Variants in PKD2 observed in about 807,000 individuals in gnomAD.
PKD2 encodes the protein polycystin-2.
PKD2 carries 48 observed loss-of-function variants against 105.9 expected under a neutral mutation model. That is an observed-to-expected ratio of 0.45 (90% CI 0.36 to 0.58). The LOEUF is 0.58. PKD2 is among the 20% of genes least tolerant of loss of function. The pLI, the probability that PKD2 is intolerant of heterozygous loss-of-function variation, is 0.00. For missense variants in PKD2, 1,078 were observed against 1,255.3 expected, an observed-to-expected ratio of 0.86 and a Z score of 2.13; for synonymous variants, 464 against 481.1, an observed-to-expected ratio of 0.96 and a Z score of 0.46.
At position 88,067,800 on chromosome 4, in the gene PKD2, A is replaced by C. The variant is rs1008281641; in HGVS notation, c.2359-98A>C. 1.3e-5 allele frequency: 13 copies of C among 977,328 alleles called. No individual in the cohort carries two copies. The Admixed American group carries it at 2.5e-4, about 19-fold the overall frequency. 60.5% of individuals were successfully genotyped at this position (977,328 alleles called of 1,614,324 possible). A position where few individuals can be genotyped will look rare whatever the true frequency, so the allele number is the denominator to read the frequency against. ...GTTAAATACAAAGAAATCCCAGGTA[A>C]ATGGCATGCACCCAGTTCCTGCTTG... On this transcript the variant is annotated intron_variant, in intron 12 of 14. Transcript: ENST00000237596.
At chr4:88,065,662 T>G in intron 11 of PKD2, 100 bp from the exon 12 acceptor site, 1 of 1,177,390 alleles carries the variant, frequency 8.5e-7, no homozygotes, top group Non-Finnish European at 1.3e-6. Flanking sequence ...TTGCCCCCAT[T>G]TGGTGATTTC....
intron 1 of PKD2, among the ~76,000 whole-genome samples, chr4:88,013,128 T>C (rs1578114591): frequency 6.6e-6 from 1 of 152,196 alleles, no homozygotes; most frequent in East Asian, 1.9e-4. Flanking sequence ...CTCCCTTTCC[T>C]TTTTTATTCG....
intron 10 of PKD2, among the ~76,000 whole-genome samples, chr4:88,064,907 C>G (rs929018260): frequency 6.6e-6 from 1 of 151,826 alleles, no homozygotes; most frequent in African/African-American, 2.4e-5. Flanking sequence ...AAGGGAAAAT[C>G]CTCATCTACA....
intron 10 of PKD2, among the ~76,000 whole-genome samples, chr4:88,064,314 A>G (rs993202843): frequency 6.6e-6 from 1 of 152,350 alleles, no homozygotes; most frequent in Middle Eastern, 3.4e-3. Flanking sequence ...ACTACTCTGG[A>G]TACATTTTTT....
rs1313482750 is a variant in PKD2, at chr4:88,070,601, T to TATATAGAGAG, written c.2522+2541_2522+2542insTATAGAGAGA. ...ATATATATATATATATATATATATA[T>TATATAGAGAG]AGAGAGAGAGAGAGAGAGAGAGAGA... On this transcript the variant is annotated intron_variant, in intron 13 of 14. Transcript: ENST00000237596. Among the ~76,000 whole-genome samples the TATATAGAGAG allele has an allele frequency of 5.5e-3, 503 of 91,418 alleles. 1 individual carries two copies. The highest frequency in any genetic ancestry group is 8.2e-3 in the Non-Finnish European group (390 of 47,736). The allele number at this position is 91,418 out of a possible 152,430, so 60.0% of individuals were successfully genotyped here. A position where few individuals can be genotyped will look rare whatever the true frequency, so the allele number is the denominator to read the frequency against.
chr4:88,042,176 A>G (rs989657087), intron 4 of PKD2, among the ~76,000 whole-genome samples: 2 of 152,212 alleles, frequency 1.3e-5, no homozygotes, highest in Admixed American at 6.5e-5. Flanking sequence ...AGACTGGGCA[A>G]TTTACCAAAG....
At chr4:88,041,024 A>C (rs1206894633) in intron 4 of PKD2, among the ~76,000 whole-genome samples, 1 of 152,220 alleles carries the variant, frequency 6.6e-6, no homozygotes, top group Non-Finnish European at 1.5e-5. Context: ...CTTTCTTCAC[A>C]GAGCTTGCAT....
At chr4:88,073,813 T>C (rs1721128867) in intron 13 of PKD2, among the ~76,000 whole-genome samples, 1 of 152,224 alleles carries the variant, frequency 6.6e-6, no homozygotes, top group Non-Finnish European at 1.5e-5. Context: ...AAATTTTTAA[T>C]ATTTGAGTTT....
chr4:88,059,048 A>C (rs1176370354), intron 9 of PKD2, among the ~76,000 whole-genome samples: 1 of 152,218 alleles, frequency 6.6e-6, no homozygotes, highest in East Asian at 1.9e-4. Flanking sequence ...AATTCAGTGT[A>C]ATAACTCTAA....
At chr4:88,032,616 T>C (rs1461484123) in intron 2 of PKD2, among the ~76,000 whole-genome samples, 1 of 152,236 alleles carries the variant, frequency 6.6e-6, no homozygotes. Context: ...CTTGTCTCCT[T>C]TCTGGTCCTC....
At chr4:88,037,623 A>C (rs1727384312) in intron 3 of PKD2, among the ~76,000 whole-genome samples, 1 of 152,210 alleles carries the variant, frequency 6.6e-6, no homozygotes, top group Non-Finnish European at 1.5e-5. Flanking sequence ...GAGTAGGGCA[A>C]ATCAGTCTAT....
chr4:88,067,879 G>C lies in PKD2; in HGVS notation c.2359-19G>C. ...GTCTCAGTGTTCTGCTCCTCACTCA[G>C]TGACCCCTTGTTCTTCAGGAGGACC... On this transcript the variant is annotated intron_variant, in intron 12 of 14. Transcript: ENST00000237596. The C allele has an allele frequency of 2.5e-6, 4 of 1,612,020 alleles. No individual in the cohort carries two copies. Among genetic ancestry groups the C allele is most frequent in the Non-Finnish European group, 3.4e-6 (4 of 1,179,256 alleles).
Position 88,043,271 on chromosome 4 carries a change from GC to G in PKD2, c.1135del (p.His379ThrfsTer73). ...AGTGAAAAAGACTTGAATGGTAGTA[GC>G]CACTGGGGAATCATTGCAACTTATA... ...YTSEKDLNGS[S>X]HWGIIATYSG... On this transcript the variant is annotated frameshift_variant, in exon 5 of 15. Coordinates refer to ENST00000237596, the MANE Select transcript of PKD2 (RefSeq NM_000297.4). LOFTEE classifies it high-confidence loss of function. 1 of 1,613,094 alleles carries G rather than the reference GC, an allele frequency of 6.2e-7. No homozygotes were observed.
Position 88,007,666 on chromosome 4 carries a change from A to T in PKD2, c.-68A>T. The T allele has an allele frequency of 1.9e-6, 2 of 1,026,236 alleles. No individual in the cohort carries two copies. The highest frequency in any genetic ancestry group is 2.4e-6 in the Non-Finnish European group (2 of 844,978). The allele number at this position is 1,026,236 out of a possible 1,614,324, so 63.6% of individuals were successfully genotyped here. On this transcript the variant is annotated 5_prime_UTR_variant, in exon 1 of 15. It removes an upstream start codon present in the reference 5' UTR. Transcript: ENST00000237596. ...CGGCGGGCGCCGGGAAGAAAGGAAC[A>T]TGGCTCCTGAGGCGCACAGCGCCGA... is the stretch of plus-strand genomic sequence containing the variant.
At chr4:88,062,177 A>G (rs1720601645) in intron 10 of PKD2, among the ~76,000 whole-genome samples, 173 bp downstream of exon 10, 1 of 152,210 alleles carries the variant, frequency 6.6e-6, no homozygotes, top group Admixed American at 6.5e-5. Context: ...TGATGGATAT[A>G]CTGCTATCTT....
Position 88,038,348 on chromosome 4 carries a change from T to G in PKD2, c.941T>G (p.Leu314Arg). 6.2e-7 allele frequency: 1 copy of G among 1,613,988 alleles called. No homozygotes were observed. The highest frequency in any genetic ancestry group is 2.2e-5 in the East Asian group (1 of 44,866). Residue 314 changes from leucine to arginine, a missense_variant, in exon 4 of 15, where the codon CTG becomes CGG. By Grantham distance (102) the Leu-to-Arg change is moderately radical. This residue lies in a region of PKD2 where 868 missense variants were observed against 1,067.3 expected (regional missense o/e 0.81). Coordinates refer to ENST00000237596, the MANE Select transcript of PKD2 (RefSeq NM_000297.4). ...CGAAGTTTCATCTTCTATGAGAACCTGCTGTTAGGGGTTCCACGAATACGG... is the reference window on the plus strand; with the variant it reads ...CGAAGTTTCATCTTCTATGAGAACCGGCTGTTAGGGGTTCCACGAATACGG... Reference protein sequence around the residue: ...DNRSFIFYENLLLGVPRIRQL... With the variant: ...DNRSFIFYENRLLGVPRIRQL...
chr4:88,054,836 A>G lies in PKD2; in HGVS notation c.1717-1250A>G, dbSNP rs562067017. 7.9e-5 allele frequency among the ~76,000 whole-genome samples: 12 copies of G among 151,570 alleles called. No homozygotes were observed. The East Asian group carries it at 2.4e-3, about 30-fold the overall frequency. On this transcript the variant is annotated intron_variant, in intron 7 of 14. Coordinates refer to ENST00000237596, the MANE Select transcript of PKD2 (RefSeq NM_000297.4). ...CGCCCGGCTAATTTTTTATATTTTT[A>G]GTAGAGACGGGGTTTCACCGTGTTA...
chr4:88,028,535 C>T (rs1476600230), intron 2 of PKD2, among the ~76,000 whole-genome samples: 1 of 152,164 alleles, frequency 6.6e-6, no homozygotes, highest in Non-Finnish European at 1.5e-5. Flanking sequence ...TTTAAAATGA[C>T]AAGAAATAGA....
At chr4:88,072,250 C>G (rs367685855) in intron 13 of PKD2, among the ~76,000 whole-genome samples, 1 of 151,968 alleles carries the variant, frequency 6.6e-6, no homozygotes, top group East Asian at 1.9e-4. Context: ...CACAAAAGGC[C>G]GGGATTACAG....
Sources: gnomAD v4.1 joint callset for allele counts (sites outside exome capture counted in the v4.1 genomes callset) on GRCh38, gnomAD v4.1.1 for gene constraint, gnomAD v4.1.1 regional missense constraint, MANE v1.5 for transcripts, NCBI Gene and HGNC (gene_info 2026-07-23, HGNC 2026-07-21) for gene names.